The following RALGPS1 variants were observed in gnomAD, a reference collection of about 807,000 sequenced individuals.
The protein encoded by RALGPS1 is ras-specific guanine nucleotide-releasing factor RalGPS1.
A neutral mutation model predicts 78.8 loss-of-function variants in RALGPS1; 19 were observed. The ratio of observed to expected loss-of-function variants is 0.24; its 90% confidence interval spans 0.17 to 0.35. The LOEUF is 0.35. Among genes scored for constraint, RALGPS1 ranks in the 10% least tolerant of loss-of-function variants. RALGPS1 has a pLI of 1.00. For missense variants in RALGPS1, 454 were observed against 688.3 expected, an observed-to-expected ratio of 0.66 and a Z score of 3.81; for synonymous variants, 228 against 256.3, an observed-to-expected ratio of 0.89 and a Z score of 1.06.
chr9:126,957,344 T>G (rs1023699137), intron 1 of RALGPS1, among the ~76,000 whole-genome samples: 3 of 150,240 alleles, frequency 2.0e-5, no homozygotes, highest in Admixed American at 2.0e-4. Flanking sequence ...GCCTCTCGTT[T>G]GGGCCAGGCT....
intron 8 of RALGPS1, among the ~76,000 whole-genome samples, chr9:127,154,258 C>T (rs1158403794): frequency 6.6e-6 from 1 of 152,252 alleles, no homozygotes; most frequent in Non-Finnish European, 1.5e-5. Flanking sequence ...GCTGGGCCAG[C>T]TGGATCTGGC....
chr9:127,153,516 C>A (rs2058545393), intron 8 of RALGPS1, among the ~76,000 whole-genome samples: 1 of 151,794 alleles, frequency 6.6e-6, no homozygotes, highest in African/African-American at 2.4e-5. Flanking sequence ...CTGCTGTATA[C>A]CCCTGTGTCT....
intron 1 of RALGPS1, among the ~76,000 whole-genome samples, 193 bp downstream of exon 1, chr9:126,915,168 C>A (rs1345327826): frequency 7.2e-6 from 1 of 139,750 alleles, no homozygotes; most frequent in East Asian, 2.1e-4. Context: ...CCTGCGGGTG[C>A]CCGGCGCCGG....
chr9:127,188,995 C>A (rs2060858801), intron 11 of RALGPS1, among the ~76,000 whole-genome samples: 1 of 44,556 alleles, frequency 2.2e-5, no homozygotes, highest in Non-Finnish European at 3.7e-5. Context: ...GCAAGACTGT[C>A]TCAAAAAAAA....
intron 11 of RALGPS1, among the ~76,000 whole-genome samples, chr9:127,179,483 G>A (rs1037734652): frequency 1.3e-5 from 2 of 152,178 alleles, no homozygotes; most frequent in Non-Finnish European, 2.9e-5. Flanking sequence ...TGGGAGGAAC[G>A]CAGGCTTCCC....
chr9:127,171,963 A>C (rs993826617), intron 10 of RALGPS1, among the ~76,000 whole-genome samples: 4 of 152,292 alleles, frequency 2.6e-5, no homozygotes, highest in African/African-American at 9.6e-5. Flanking sequence ...CACATAGTCC[A>C]AGTCTATAAC....
At chr9:126,934,616 C>T (rs938034814) in intron 1 of RALGPS1, among the ~76,000 whole-genome samples, 17 of 152,208 alleles carry the variant, frequency 1.1e-4, no homozygotes, top group Non-Finnish European at 2.9e-5. Context: ...GGCTTCTTCA[C>T]CACATGAAGC....
intron 8 of RALGPS1, chr9:127,108,663 C>T (rs376777812): frequency 1.9e-6 from 3 of 1,613,774 alleles, no homozygotes; most frequent in Admixed American, 1.7e-5. Flanking sequence ...AACCGTCCTC[C>T]TGGCCTGCAA....
intron 4 of RALGPS1, among the ~76,000 whole-genome samples, chr9:127,019,269 C>T (rs568273879): frequency 1.3e-5 from 2 of 152,022 alleles, no homozygotes; most frequent in Non-Finnish European, 2.9e-5. Flanking sequence ...GGCTGTAGCA[C>T]CTGTTGTTAC....
intron 7 of RALGPS1, among the ~76,000 whole-genome samples, chr9:127,066,474 C>G (rs1006204018): frequency 2.8e-4 from 42 of 152,174 alleles, no homozygotes; most frequent in African/African-American, 9.4e-4. Context: ...AACCCCGTCT[C>G]TACTAGAAAT....
At chr9:127,002,419 A>G (rs1181731218) in intron 4 of RALGPS1, among the ~76,000 whole-genome samples, 1 of 145,848 alleles carries the variant, frequency 6.9e-6, no homozygotes, top group African/African-American at 2.5e-5. Flanking sequence ...ATGAGTAGTG[A>G]TACCACAAAC....
chr9:126,977,208 T>G (rs922004940), intron 3 of RALGPS1, among the ~76,000 whole-genome samples: 3 of 152,280 alleles, frequency 2.0e-5, no homozygotes, highest in Admixed American at 6.5e-5. Context: ...TACCATATAA[T>G]TTAGGGGCAG....
intron 7 of RALGPS1, among the ~76,000 whole-genome samples, chr9:127,061,767 G>A (rs531140339): frequency 1.3e-5 from 2 of 152,242 alleles, no homozygotes; most frequent in South Asian, 2.1e-4. Context: ...TTCCTATGTA[G>A]TGTTCCTGAT....
chr9:126,956,081 CT>C (rs370491134), intron 1 of RALGPS1, among the ~76,000 whole-genome samples: 1 of 152,352 alleles, frequency 6.6e-6, no homozygotes, highest in East Asian at 1.9e-4. Flanking sequence ...CCACTGTCTA[CT>C]CCCGAGGGTG....
chr9:126,936,271 C>T (rs1410845351), intron 1 of RALGPS1, among the ~76,000 whole-genome samples: 1 of 152,140 alleles, frequency 6.6e-6, no homozygotes, highest in Non-Finnish European at 1.5e-5. Context: ...GAGAAGGAAG[C>T]CAAGCTTCAT....
intron 1 of RALGPS1, among the ~76,000 whole-genome samples, chr9:126,931,499 T>G (rs1053631685): frequency 2.6e-5 from 4 of 151,990 alleles, no homozygotes; most frequent in Non-Finnish European, 5.9e-5. Flanking sequence ...ACATTCTGAG[T>G]GAAAGAAGCA....
chr9:127,005,611 G>A (rs1029561167), intron 4 of RALGPS1, among the ~76,000 whole-genome samples: 3 of 152,002 alleles, frequency 2.0e-5, no homozygotes, highest in African/African-American at 4.8e-5. Context: ...AAGCTGCTTC[G>A]ACTACACAGG....
At position 127,184,151 on chromosome 9, in the gene RALGPS1, C is replaced by A. The variant is rs558261212; in HGVS notation, c.910+9369C>A. On this transcript the variant is annotated intron_variant, in intron 11 of 18. Coordinates refer to ENST00000259351, the MANE Select transcript of RALGPS1 (RefSeq NM_014636.3). ...GACCAGCCTGGGCAACATGGCAAAA[C>A]CCCATCTCTACAAAAGTATATAAAT... 7.2e-5 allele frequency: 80 copies of A among 1,106,798 alleles called. 1 individual carries two copies. The African/African-American group carries it at 1.1e-3, about 16-fold the overall frequency. The allele number at this position is 1,106,798 out of a possible 1,614,324, so 68.6% of individuals were successfully genotyped here.
chr9:126,927,205 T>C (rs2035363919), intron 1 of RALGPS1, among the ~76,000 whole-genome samples: 1 of 152,130 alleles, frequency 6.6e-6, no homozygotes, highest in South Asian at 2.1e-4. Context: ...GGGTCATTCT[T>C]GCATAGCTGG....
Sources: gnomAD v4.1 joint callset for allele counts (sites outside exome capture counted in the v4.1 genomes callset) on GRCh38, gnomAD v4.1.1 for gene constraint, MANE v1.5 for transcripts, NCBI Gene and HGNC (gene_info 2026-07-23, HGNC 2026-07-21) for gene names.